The following HK1 variants were observed in gnomAD, a reference collection of about 807,000 sequenced individuals.
HK1 encodes hexokinase 1.
In HK1, 28 loss-of-function variants were observed where a neutral mutation model predicts 91.6. That is an observed-to-expected ratio of 0.31 (90% CI 0.23 to 0.42). The LOEUF (loss-of-function observed/expected upper bound fraction) is 0.42, where lower values mean the gene tolerates loss of function less well. HK1 is among the 10% of genes least tolerant of loss of function. The pLI is 1.00. For synonymous variants in HK1, 430 were observed against 468.1 expected, an observed-to-expected ratio of 0.92 and a Z score of 1.05; for missense variants, 770 against 1,219.8, an observed-to-expected ratio of 0.63 and a Z score of 5.49.
At chr10:69,286,082 C>G (rs1403551828) in intron 2 of HK1, among the ~76,000 whole-genome samples, 1 of 152,168 alleles carries the variant, frequency 6.6e-6, no homozygotes, top group East Asian at 1.9e-4. Flanking sequence ...AGTGTTTTAA[C>G]TAGACTCGGG....
intron 3 of HK1, among the ~76,000 whole-genome samples, 159 bp from the exon 4 acceptor site, chr10:69,364,624 C>A (rs1849600399): frequency 6.6e-6 from 1 of 152,204 alleles, no homozygotes; most frequent in Non-Finnish European, 1.5e-5. Flanking sequence ...TCACACACAG[C>A]ATGGCTTTTC....
At chr10:69,381,721 T>G (rs1026146114) in intron 9 of HK1, among the ~76,000 whole-genome samples, 3 of 152,018 alleles carry the variant, frequency 2.0e-5, no homozygotes, top group Admixed American at 2.0e-4. Context: ...ACCCAGCTAA[T>G]TTTTGTATTT....
intron 4 of HK1, among the ~76,000 whole-genome samples, chr10:69,300,035 A>G (rs1307440520): frequency 3.3e-5 from 5 of 151,098 alleles, no homozygotes; most frequent in Non-Finnish European, 7.4e-5. Flanking sequence ...CCTGAGCTCA[A>G]GCAATCCACC....
At chr10:69,323,332 G>A (rs1564511840) in intron 1 of HK1, among the ~76,000 whole-genome samples, 1 of 151,444 alleles carries the variant, frequency 6.6e-6, no homozygotes, top group Non-Finnish European at 1.5e-5. Context: ...AGTCAGCCTG[G>A]GCAACAAAAT....
At chr10:69,301,108 T>TAC (rs1845842982) in intron 5 of HK1, among the ~76,000 whole-genome samples, 1 of 151,568 alleles carries the variant, frequency 6.6e-6, no homozygotes, top group Non-Finnish European at 1.5e-5. Flanking sequence ...TAGCCGGGTG[T>TAC]AGTGTTGGGT....
At chr10:69,376,692 A>G (rs963956131) in intron 7 of HK1, among the ~76,000 whole-genome samples, 2 of 152,008 alleles carry the variant, frequency 1.3e-5, no homozygotes, top group African/African-American at 4.8e-5. Context: ...GCTCCTGCCC[A>G]TGGTGTTCTC....
intron 1 of HK1, among the ~76,000 whole-genome samples, chr10:69,343,335 T>C (rs1379267640): frequency 6.6e-6 from 1 of 152,240 alleles, no homozygotes; most frequent in Non-Finnish European, 1.5e-5. Flanking sequence ...TGTTAGGTCC[T>C]ATCTATCATC....
intron 1 of HK1, among the ~76,000 whole-genome samples, chr10:69,277,338 C>T (rs900374895): frequency 6.6e-6 from 1 of 152,070 alleles, no homozygotes; most frequent in Non-Finnish European, 1.5e-5. Context: ...GAGGCTGAGG[C>T]ACGAGGATTG....
intron 2 of HK1, among the ~76,000 whole-genome samples, chr10:69,349,758 G>A (rs1024577077): frequency 1.3e-5 from 2 of 152,168 alleles, no homozygotes; most frequent in Non-Finnish European, 2.9e-5. Flanking sequence ...GGGACTGATA[G>A]GTCCCTTTTG....
At chr10:69,383,507 C>T (rs931302941) in intron 10 of HK1, among the ~76,000 whole-genome samples, 3 of 152,250 alleles carry the variant, frequency 2.0e-5, no homozygotes, top group Non-Finnish European at 4.4e-5. Flanking sequence ...CCTAATACCA[C>T]ATTATAAGCC....
At chr10:69,393,307 TTTC>T (rs1839990256) in intron 15 of HK1, among the ~76,000 whole-genome samples, 25 of 150,984 alleles carry the variant, frequency 1.7e-4, no homozygotes, top group Admixed American at 1.5e-3. Context: ...TTTCTTTTCT[TTTC>T]TTTTTTTTTT....
At chr10:69,286,060 G>A (rs558273371) in intron 2 of HK1, among the ~76,000 whole-genome samples, 14 of 152,146 alleles carry the variant, frequency 9.2e-5, no homozygotes, top group Non-Finnish European at 1.9e-4. Flanking sequence ...AAGTACTTTG[G>A]TAACTCATAG....
In HK1 at chr10:69,271,954, C is replaced by A. The variant is rs7095547; in HGVS notation, c.-391+1846C>A. ...TCTCAGCTCACTGAAACCTCCACCCCCTGGGTTCAGTCAATTCTCCTGCCT... is the reference window on the plus strand; with the variant it reads ...TCTCAGCTCACTGAAACCTCCACCCACTGGGTTCAGTCAATTCTCCTGCCT... On this transcript the variant is annotated intron_variant, in intron 1 of 21. Coordinates refer to the HK1 transcript ENST00000360289. 5.9e-5 allele frequency among the ~76,000 whole-genome samples: 9 copies of A among 152,014 alleles called. No individual in the cohort carries two copies. In the East Asian group the frequency reaches 1.2e-3, roughly 20 times the overall value.
In HK1 at chr10:69,332,183, T is replaced by C. The variant is rs117900415; in HGVS notation, c.64-11644T>C. Among the ~76,000 whole-genome samples the C allele has an allele frequency of 9.9e-4, 151 of 152,250 alleles. 2 individuals are homozygous for C. In the East Asian group the frequency reaches 0.025, roughly 25 times the overall value. On this transcript the variant is annotated intron_variant, in intron 1 of 17. Coordinates refer to ENST00000359426, the MANE Select transcript of HK1 (RefSeq NM_000188.3). ...GACAGTGCTCTGCTAGATGGTAAAT[T>C]CCATGGCTCAGGAGTTTGCACTCTG...
intron 8 of HK1, among the ~76,000 whole-genome samples, chr10:69,378,893 G>A (rs1054042051): frequency 1.3e-5 from 2 of 152,138 alleles, no homozygotes; most frequent in African/African-American, 4.8e-5. Context: ...TATATGGACA[G>A]AATTAAGATA....
rs1848416560 is a variant in HK1 at position 69,343,848 on chromosome 10, A to C, written c.85A>C (p.Met29Leu). 6.2e-7 allele frequency: 1 copy of C among 1,613,672 alleles called. No homozygotes were observed. Among genetic ancestry groups the C allele is most frequent in the Non-Finnish European group, 8.5e-7 (1 of 1,179,758 alleles). The change falls in exon 2 of 18, where the codon ATG becomes CTG. Residue 29 changes from methionine to leucine, a missense_variant. Physicochemically the swap from Met to Leu is conservative, Grantham distance 15 (BLOSUM62 2). Coordinates refer to ENST00000359426, the MANE Select transcript of HK1 (RefSeq NM_000188.3). ...VKKIDKYLYA[M>L]RLSDETLIDI... ...CCAGATTGACAAGTATCTCTATGCC[A>C]TGCGGCTCTCCGATGAAACTCTCAT...
Position 69,322,531 on chromosome 10 carries a change from G to T in HK1, c.63+3521G>T, listed in dbSNP as rs189820776. On this transcript the variant is annotated intron_variant, in intron 1 of 17. Coordinates refer to ENST00000359426, the MANE Select transcript of HK1 (RefSeq NM_000188.3). ...GGGAGAGTAGGCTTAGCAATTAAAGGGTTGCCCAAGGTACATTCCTTAGAG... is the reference window on the plus strand; with the variant it reads ...GGGAGAGTAGGCTTAGCAATTAAAGTGTTGCCCAAGGTACATTCCTTAGAG... Among the ~76,000 whole-genome samples the T allele has an allele frequency of 1.1e-3, 171 of 152,214 alleles. 2 individuals are homozygous for T. The highest frequency in any genetic ancestry group is 0.01 in the Admixed American group (154 of 15,272).
chr10:69,278,955 A>C (rs1564748535), intron 1 of HK1, among the ~76,000 whole-genome samples: 1 of 152,208 alleles, frequency 6.6e-6, no homozygotes, highest in Non-Finnish European at 1.5e-5. Flanking sequence ...AGTGTAGAGA[A>C]GCTGTGATTC....
chr10:69,368,453 C>G, intron 4 of HK1, 83 bp from the exon 5 acceptor site: 1 of 1,226,316 alleles, frequency 8.2e-7, no homozygotes, highest in Non-Finnish European at 1.2e-6. Context: ...TCTGCTTCAT[C>G]CCTGTCCTGG....
Sources: gnomAD v4.1 joint callset for allele counts (sites outside exome capture counted in the v4.1 genomes callset) on GRCh38, gnomAD v4.1.1 for gene constraint, MANE v1.5 for transcripts, NCBI Gene and HGNC (gene_info 2026-07-23, HGNC 2026-07-21) for gene names.